NDUFA7: variants seen among roughly 807,000 people sequenced by gnomAD.
NDUFA7 encodes NADH:ubiquinone oxidoreductase subunit A7, also known as NADH dehydrogenase [ubiquinone] 1 alpha subcomplex subunit 7.
A neutral mutation model predicts 14.2 loss-of-function variants in NDUFA7; 18 were observed. The ratio of observed to expected loss-of-function variants is 1.27; its 90% CI spans 0.88 to 1.88. The LOEUF is 1.88. Ranked by LOEUF, NDUFA7 falls within the 40% of genes most tolerant of loss-of-function variation. The pLI is 0.00. For missense variants in NDUFA7, 172 were observed against 147.3 expected, an observed-to-expected ratio of 1.17 and a Z score of -0.87; for synonymous variants, 75 against 62.1, an observed-to-expected ratio of 1.21 and a Z score of -0.98.
intron 2 of NDUFA7, among the ~76,000 whole-genome samples, chr19:8,320,500 G>A (rs1970289591): frequency 6.6e-6 from 1 of 152,142 alleles, no homozygotes; most frequent in African/African-American, 2.4e-5. Flanking sequence ...GACACTTCTG[G>A]GTTCAAGTCC....
chr19:8,320,745 A>C, intron 2 of NDUFA7, 112 bp downstream of exon 2: 1 of 1,278,664 alleles, frequency 7.8e-7, no homozygotes, highest in Non-Finnish European at 1.1e-6. Context: ...CTGGCAGGGG[A>C]CTGGTGGCAG....
intron 2 of NDUFA7, among the ~76,000 whole-genome samples, chr19:8,318,962 C>G (rs1218894233): frequency 6.7e-6 from 1 of 149,102 alleles, no homozygotes; most frequent in Non-Finnish European, 1.5e-5. Context: ...GAGTGAGACT[C>G]TGTCTCAAAA....
intron 2 of NDUFA7, 182 bp from the exon 3 acceptor site, chr19:8,316,827 C>A: frequency 1.5e-6 from 1 of 666,118 alleles, no homozygotes; most frequent in Non-Finnish European, 2.5e-6. Flanking sequence ...GGTCCTGGGG[C>A]CAGAAGCAGA....
At chr19:8,316,698 C>A in intron 2 of NDUFA7, 53 bp from the exon 3 acceptor site, 1 of 1,591,512 alleles carries the variant, frequency 6.3e-7, no homozygotes, top group South Asian at 1.1e-5. Context: ...CTGTCATGGC[C>A]CCGCTGTGGG....
At chr19:8,311,620 A>T in intron 3 of NDUFA7, 25 bp from the exon 4 acceptor site, 1 of 1,599,602 alleles carries the variant, frequency 6.3e-7, no homozygotes, top group South Asian at 1.1e-5. Flanking sequence ...GACTTCAGTG[A>T]GGGTTTCCAA....
downstream of NDUFA7, chr19:8,311,212 A>C (rs901621375): frequency 2.4e-5 from 5 of 204,218 alleles, no homozygotes; most frequent in African/African-American, 1.2e-4. Context: ...GACCAAGGTC[A>C]AGCAGAGGCC....
At position 8,316,566 on chromosome 19, in the gene NDUFA7, G is replaced by A. The variant is rs371747571; in HGVS notation, c.181C>T (p.Arg61Trp). 6.8e-6 allele frequency: 11 copies of A among 1,614,158 alleles called. No homozygotes were observed. The highest frequency in any genetic ancestry group is 6.6e-5 in the South Asian group (6 of 91,078). ...ATGATGGAAGGGGGCACAGATTCCC[G>A]GCGGCCATCGCGAGTGCAATAGTAA... ...NNYYCTRDGR[R>W]ESVPPSIIMS... Residue 61 changes from arginine to tryptophan, a missense_variant, in exon 3 of 4, where the codon CGG (arginine) becomes TGG (tryptophan). Physicochemically the swap from Arg to Trp is moderately radical, Grantham distance 101. Transcript: ENST00000301457.
chr19:8,320,623 C>T (rs1416167797), intron 2 of NDUFA7, among the ~76,000 whole-genome samples: 1 of 152,180 alleles, frequency 6.6e-6, no homozygotes, highest in Non-Finnish European at 1.5e-5. Context: ...CCACGCTGAG[C>T]ACTGCAAATC....
At chr19:8,314,013 A>C (rs1970206718) in intron 3 of NDUFA7, among the ~76,000 whole-genome samples, 1 of 152,190 alleles carries the variant, frequency 6.6e-6, no homozygotes, top group African/African-American at 2.4e-5. Context: ...CAAGGTTTAT[A>C]CACTTCTGTC....
chr19:8,316,685 T>G (rs199760005), intron 2 of NDUFA7, 40 bp from the exon 3 acceptor site: 153 of 1,607,508 alleles, frequency 9.5e-5, no homozygotes, highest in Non-Finnish European at 1.2e-4. Context: ...AAAGAGACAG[T>G]CACTGTCATG....
chr19:8,309,044 GT>G (rs940853751), downstream of NDUFA7, among the ~76,000 whole-genome samples: 45 of 150,904 alleles, frequency 3.0e-4, no homozygotes, highest in African/African-American at 9.6e-4. Context: ...AACACAGCAA[GT>G]CCCCGCCCGC....
At chr19:8,319,430 C>T (rs1409853791) in intron 2 of NDUFA7, 1 of 151,944 alleles carries the variant, frequency 6.6e-6, no homozygotes, top group African/African-American at 2.4e-5. Context: ...CGTGGTGGCA[C>T]ATGCCTGTAA....
intron 2 of NDUFA7, among the ~76,000 whole-genome samples, chr19:8,318,383 T>C (rs1970260324): frequency 6.7e-6 from 1 of 149,890 alleles, no homozygotes; most frequent in Non-Finnish European, 1.5e-5. Flanking sequence ...CTTCTGACCT[T>C]GTGATCCGCC....
chr19:8,321,193 G>A lies in NDUFA7; in HGVS notation c.51+115C>T, dbSNP rs1970304051. On this transcript the variant is annotated intron_variant, in intron 1 of 3. Transcript: ENST00000301457. ...GGGTGACTAGCTGGGGGTTCCCAGG[G>A]AGATTCGGGGAGAGCGAAGGGTCCC... is the stretch of plus-strand genomic sequence containing the variant. The A allele has an allele frequency of 2.3e-6, 3 of 1,277,358 alleles. No individual in the cohort carries two copies. The East Asian group carries it at 7.7e-5, about 33-fold the overall frequency. 79.1% of individuals were successfully genotyped at this position (1,277,358 alleles called of 1,614,324 possible). A position where few individuals can be genotyped will look rare whatever the true frequency, so the allele number is the denominator to read the frequency against.
At chr19:8,310,998 G>C (rs1322497320), downstream of NDUFA7, among the ~76,000 whole-genome samples, 1 of 152,164 alleles carries the variant, frequency 6.6e-6, no homozygotes, top group African/African-American at 2.4e-5. Context: ...TGGGTGACAA[G>C]CGCGAAAACT....
At chr19:8,312,065 C>G (rs889552308) in intron 3 of NDUFA7, among the ~76,000 whole-genome samples, 1 of 152,242 alleles carries the variant, frequency 6.6e-6, no homozygotes, top group African/African-American at 2.4e-5. Flanking sequence ...AGATGGGGCA[C>G]CGCCCTCAGG....
At chr19:8,319,828 C>A (rs756632714) in intron 2 of NDUFA7, among the ~76,000 whole-genome samples, 29 of 152,016 alleles carry the variant, frequency 1.9e-4, no homozygotes, top group Admixed American at 1.2e-3. Flanking sequence ...CTTCCTGTTC[C>A]CTCTGCTCAG....
intron 2 of NDUFA7, among the ~76,000 whole-genome samples, chr19:8,316,983 C>T (rs149587959): frequency 1.3e-5 from 2 of 152,326 alleles, no homozygotes; most frequent in East Asian, 3.9e-4. Context: ...GCTTGGCAGC[C>T]AGCCTCACTT....
rs558131146 is a variant in NDUFA7, at chr19:8,311,521, T to G, written c.326A>C (p.Asp109Ala). 2.3e-5 allele frequency: 37 copies of G among 1,611,502 alleles called. No individual in the cohort carries two copies. The South Asian group carries it at 3.6e-4, about 16-fold the overall frequency. Residue 109 changes from aspartate (D) to alanine (A), a missense_variant, in exon 4 of 4, where the codon GAC (aspartate) becomes GCC (alanine). Physicochemically the swap from Asp to Ala is moderately radical, Grantham distance 126 (BLOSUM62 -2). Coordinates refer to ENST00000301457, the MANE Select transcript of NDUFA7 (RefSeq NM_005001.5). ...PPIKRWELSS[D>A]QPYL is the part of the protein sequence containing the mutation. ...GGTGCAGTGTCACAGGTAAGGCTGG[T>G]CCGAGGACAGCTCCCACCTCTTTAT...
Sources: allele counts gnomAD v4.1 joint callset (sites outside exome capture counted in the v4.1 genomes callset), GRCh38; gene constraint gnomAD v4.1.1; transcripts MANE v1.5; gene names NCBI Gene and HGNC (gene_info 2026-07-23, HGNC 2026-07-21).